The following ARHGEF7 variants were observed in gnomAD, a reference collection of about 807,000 sequenced individuals.
ARHGEF7 encodes Rho guanine nucleotide exchange factor 7.
ARHGEF7 carries 33 observed loss-of-function variants against 109.8 expected under a neutral mutation model. The observed-to-expected ratio is 0.30, with a 90% CI of 0.23 to 0.40. ARHGEF7 has a LOEUF of 0.40. Ranked by LOEUF, ARHGEF7 falls within the 10% of genes least tolerant of loss-of-function variation. The probability of loss-of-function intolerance (pLI) is 1.00; values close to 1 mark genes in which losing one functional copy is unlikely to be tolerated. For synonymous variants in ARHGEF7, 458 were observed against 424.6 expected (o/e 1.08, Z -0.97); for missense variants, 938 against 1,098.5 (o/e 0.85, Z 2.07).
At chr13:111,136,127 T>G (rs2075073170) in intron 1 of ARHGEF7, among the ~76,000 whole-genome samples, 1 of 152,196 alleles carries the variant, frequency 6.6e-6, no homozygotes, top group African/African-American at 2.4e-5. Flanking sequence ...GAACCAGCCT[T>G]GCATCCCAGG....
intron 1 of ARHGEF7, among the ~76,000 whole-genome samples, chr13:111,149,784 TAACAC>T (rs1168791453): frequency 1.3e-5 from 2 of 152,196 alleles, no homozygotes; most frequent in East Asian, 1.9e-4. Flanking sequence ...AGTACTCACA[TAACAC>T]GGAATACTGT....
intron 6 of ARHGEF7, among the ~76,000 whole-genome samples, chr13:111,238,072 T>C (rs1017891029): frequency 2.6e-5 from 4 of 152,202 alleles, no homozygotes; most frequent in Admixed American, 1.3e-4. Flanking sequence ...TGCAGATCTT[T>C]TAATTTCAAT....
Position 111,131,492 on chromosome 13 carries a change from G to A in ARHGEF7, c.165+15801G>A, listed in dbSNP as rs1053751727. Among the ~76,000 whole-genome samples, 2 of 152,178 alleles carry A rather than the reference G, an allele frequency of 1.3e-5. No homozygotes were observed. Among genetic ancestry groups the A allele is most frequent in the South Asian group, 2.1e-4 (1 of 4,828 alleles). Reference sequence around the variant, plus strand: ...GGACTGAAGCATACACGTGGGACTCGTAGTACAGAGATATGTACTGAAGCT... The same window carrying A: ...GGACTGAAGCATACACGTGGGACTCATAGTACAGAGATATGTACTGAAGCT... On this transcript the variant is annotated intron_variant, in intron 1 of 21. Transcript: ENST00000646102. This position sits in a 1 kb window ranked among gnomAD's most constrained non-coding sequence, Gnocchi z 4.4.
intron 6 of ARHGEF7, among the ~76,000 whole-genome samples, chr13:111,242,914 T>C (rs1270324297): frequency 6.6e-6 from 1 of 152,246 alleles, no homozygotes; most frequent in East Asian, 1.9e-4. Flanking sequence ...GCTGCAGTGA[T>C]AGCTGGTGGA....
chr13:111,210,830 C>T (rs989724654), intron 4 of ARHGEF7, among the ~76,000 whole-genome samples: 2 of 152,076 alleles, frequency 1.3e-5, no homozygotes, highest in Non-Finnish European at 2.9e-5. Context: ...TAGAGAGAAC[C>T]CTATTCTAGA....
chr13:111,229,067 G>A (rs78337483), intron 5 of ARHGEF7, among the ~76,000 whole-genome samples: 1 of 152,124 alleles, frequency 6.6e-6, no homozygotes, highest in Non-Finnish European at 1.5e-5. Context: ...GGAGTGGGGA[G>A]GGCATTGCAC....
chr13:111,136,042 T>C (rs1432071478), intron 1 of ARHGEF7, among the ~76,000 whole-genome samples: 1 of 152,246 alleles, frequency 6.6e-6, no homozygotes, highest in Non-Finnish European at 1.5e-5. Flanking sequence ...TTTCTGCATC[T>C]ATTGAAATAA....
intron 6 of ARHGEF7, among the ~76,000 whole-genome samples, chr13:111,242,559 G>A (rs1251771894): frequency 6.6e-6 from 1 of 152,164 alleles, no homozygotes; most frequent in African/African-American, 2.4e-5. Flanking sequence ...CAGAAAATAC[G>A]TGTAATGTGA....
In ARHGEF7 at chr13:111,240,039, T is replaced by C. The variant is rs575606904; in HGVS notation, c.760-3833T>C. Among the ~76,000 whole-genome samples, 178 of 152,276 alleles carry C rather than the reference T, an allele frequency of 1.2e-3. 1 individual carries two copies. Among genetic ancestry groups the C allele is most frequent in the African/African-American group, 4.2e-3 (174 of 41,546 alleles). ...ATGACTGGCACTCTTGAGTAACCAT[T>C]ATAACCTCGTAAAACCCCTTTTTGT... On this transcript the variant is annotated intron_variant, in intron 6 of 21. Coordinates refer to ENST00000646102, the MANE Select transcript of ARHGEF7 (RefSeq NM_001354046.2).
chr13:111,267,801 T>C, intron 9 of ARHGEF7, 131 bp downstream of exon 9: 1 of 1,161,032 alleles, frequency 8.6e-7, no homozygotes, highest in Non-Finnish European at 1.2e-6. Context: ...CCCCTCAAAA[T>C]TAGTGCTTGA....
chr13:111,125,259 A>C (rs1464118759), intron 1 of ARHGEF7, among the ~76,000 whole-genome samples: 1 of 152,156 alleles, frequency 6.6e-6, no homozygotes, highest in African/African-American at 2.4e-5. Context: ...TGGGTTTCAT[A>C]TCTCTTCTTC....
Position 111,228,856 on chromosome 13 carries a change from G to A in ARHGEF7, c.671-4349G>A, listed in dbSNP as rs1327859057. ...AGTTTTTCAGGGCCATGTCTGCTCT[G>A]GTGGTTGAAGCCAGCGGTGATGATT... On this transcript the variant is annotated intron_variant, in intron 5 of 21. Transcript: ENST00000646102. This position sits in a 1 kb window ranked among gnomAD's most constrained non-coding sequence, Gnocchi z 4.6. Among the ~76,000 whole-genome samples, 1 of 152,112 alleles carries A rather than the reference G, an allele frequency of 6.6e-6. No homozygotes were observed. The highest frequency in any genetic ancestry group is 1.5e-5 in the Non-Finnish European group (1 of 68,024).
At chr13:111,168,794 T>G (rs1203837682) in intron 2 of ARHGEF7, among the ~76,000 whole-genome samples, 3 of 152,162 alleles carry the variant, frequency 2.0e-5, no homozygotes, top group Non-Finnish European at 2.9e-5. Context: ...ATATGTTGAC[T>G]CCAAGAAAGT....
chr13:111,147,322 C>T (rs940720695), intron 1 of ARHGEF7, among the ~76,000 whole-genome samples: 3 of 152,198 alleles, frequency 2.0e-5, no homozygotes, highest in African/African-American at 7.2e-5. Flanking sequence ...TCTGGGAATT[C>T]CAGTTACTTT....
At chr13:111,241,333 G>A in intron 6 of ARHGEF7, 5 of 1,536,148 alleles carry the variant, frequency 3.3e-6, no homozygotes, top group Non-Finnish European at 4.4e-6. Flanking sequence ...GGGGAAGAAA[G>A]GTGGTAAGTG....
At chr13:111,130,709 T>C (rs2074698905) in intron 1 of ARHGEF7, among the ~76,000 whole-genome samples, 1 of 152,250 alleles carries the variant, frequency 6.6e-6, no homozygotes, top group African/African-American at 2.4e-5. Context: ...ACATGAGCTA[T>C]GTGCGCTGAA....
chr13:111,245,581 G>A (rs1050895581), intron 8 of ARHGEF7, among the ~76,000 whole-genome samples: 8 of 152,130 alleles, frequency 5.3e-5, no homozygotes, highest in East Asian at 1.9e-4. Flanking sequence ...TTCAGTGATT[G>A]CTCTCATTTG....
intron 8 of ARHGEF7, chr13:111,265,501 A>G (rs775597519): frequency 7.5e-5 from 34 of 453,020 alleles, no homozygotes; most frequent in Admixed American, 1.2e-4. Flanking sequence ...TTAGCCGCGG[A>G]GCGGAAAGCA....
At position 111,258,635 on chromosome 13, in the gene ARHGEF7, C is replaced by T. The variant is rs1346274924; in HGVS notation, c.951-8913C>T. 1.3e-5 allele frequency among the ~76,000 whole-genome samples: 2 copies of T among 152,084 alleles called. No individual in the cohort carries two copies. Among genetic ancestry groups the T allele is most frequent in the East Asian group, 3.9e-4 (2 of 5,164 alleles). ...TGCATGAGACTCAAAGACGAGCTGG[C>T]TTCAAATGTGACCCAGAGCACATTC... On this transcript the variant is annotated intron_variant, in intron 8 of 21. Coordinates refer to ENST00000646102, the MANE Select transcript of ARHGEF7 (RefSeq NM_001354046.2). The surrounding 1 kb of genome is among the most constrained non-coding windows in gnomAD (Gnocchi z 4.4).
Sources: gnomAD v4.1 joint callset for allele counts (sites outside exome capture counted in the v4.1 genomes callset) on GRCh38, gnomAD v4.1.1 for gene constraint, Gnocchi (gnomAD v3.1) non-coding constraint, MANE v1.5 for transcripts, NCBI Gene and HGNC (gene_info 2026-07-23, HGNC 2026-07-21) for gene names.